Variants in RBFOX1 observed in about 807,000 individuals in gnomAD.
RBFOX1 encodes the protein RNA binding fox-1 homolog 1.
Under a neutral mutation model 57.7 loss-of-function variants are expected in RBFOX1, and 8 were observed. That is an observed-to-expected ratio of 0.14 (90% CI 0.08 to 0.25). The LOEUF (loss-of-function observed/expected upper bound fraction) is 0.25. RBFOX1 is among the 10% of genes least tolerant of loss of function. The pLI, the probability that RBFOX1 is intolerant of heterozygous loss-of-function variation, is 1.00. For missense variants in RBFOX1, 611 were observed against 548.5 expected (o/e 1.11, Z -1.14); for synonymous variants, 326 against 222.4 (o/e 1.47, Z -4.15).
intron 1 of RBFOX1, among the ~76,000 whole-genome samples, chr16:5,360,068 G>A (rs1281332844): frequency 6.6e-6 from 1 of 152,212 alleles, no homozygotes; most frequent in African/African-American, 2.4e-5. Flanking sequence ...GCAAAGGTTG[G>A]GTAGTCACTG....
rs541048849 is a variant in RBFOX1, at chr16:6,916,725, C to T, written c.-15-135332C>T. 1.2e-4 allele frequency among the ~76,000 whole-genome samples: 19 copies of T among 152,320 alleles called. 1 individual carries two copies. The South Asian group carries it at 3.3e-3, about 27-fold the overall frequency. On this transcript the variant is annotated intron_variant, in intron 3 of 15. Coordinates refer to ENST00000550418, the MANE Select transcript of RBFOX1 (RefSeq NM_018723.4). ...GCCCATTCCTACTTAAAAACTCTTG[C>T]ATAAGCTCGGATTACTTCCAGCTTT...
intron 5 of RBFOX1, among the ~76,000 whole-genome samples, chr16:7,575,129 T>A (rs572924491): frequency 6.6e-6 from 1 of 152,138 alleles, no homozygotes; most frequent in South Asian, 2.1e-4. Context: ...TAGGATGGGC[T>A]CAACAATTAA....
intron 3 of RBFOX1, among the ~76,000 whole-genome samples, chr16:6,683,067 C>T (rs796093225): frequency 5.9e-5 from 9 of 152,152 alleles, no homozygotes; most frequent in African/African-American, 2.2e-4. Flanking sequence ...GCGTGTGATA[C>T]AACATGTAGA....
intron 4 of RBFOX1, among the ~76,000 whole-genome samples, chr16:7,386,828 A>G (rs997695050): frequency 3.3e-5 from 5 of 152,080 alleles, no homozygotes; most frequent in South Asian, 4.1e-4. Context: ...GGTTGAACTA[A>G]TTTACACTCC....
intron 4 of RBFOX1, among the ~76,000 whole-genome samples, chr16:7,248,427 T>C (rs534028135): frequency 1.4e-4 from 22 of 152,308 alleles, no homozygotes; most frequent in African/African-American, 5.1e-4. Flanking sequence ...TCCCTTCATA[T>C]CTTTCCAGTC....
At chr16:6,547,341 T>G (rs1166360528) in intron 2 of RBFOX1, among the ~76,000 whole-genome samples, 1 of 152,212 alleles carries the variant, frequency 6.6e-6, no homozygotes, top group Non-Finnish European at 1.5e-5. Context: ...ACTTATTTTC[T>G]ATACAAATGA....
chr16:7,463,397 G>A (rs998030880), intron 4 of RBFOX1, among the ~76,000 whole-genome samples: 11 of 152,076 alleles, frequency 7.2e-5, no homozygotes, highest in African/African-American at 1.7e-4. Context: ...TCCGATACTC[G>A]GGAGGCTGAC....
chr16:5,511,120 T>A (rs1020440613), intron 2 of RBFOX1, among the ~76,000 whole-genome samples: 4 of 152,158 alleles, frequency 2.6e-5, no homozygotes, highest in African/African-American at 7.2e-5. Context: ...TTCAAAGGAA[T>A]TAGAAAGTTA....
intron 4 of RBFOX1, among the ~76,000 whole-genome samples, chr16:7,423,478 G>A (rs181903685): frequency 2.1e-3 from 322 of 152,214 alleles, no homozygotes; most frequent in African/African-American, 7.1e-3. Flanking sequence ...GGAAGGGGGA[G>A]ATTTGGAAGG....
At position 6,696,093 on chromosome 16, in the gene RBFOX1, A is replaced by G. The variant is rs79363484; in HGVS notation, c.-16+41443A>G. Among the ~76,000 whole-genome samples the G allele has an allele frequency of 5.0e-3, 760 of 152,368 alleles. 8 individuals are homozygous for G. Among genetic ancestry groups the G allele is most frequent in the African/African-American group, 0.017 (722 of 41,588 alleles). ...AAAACTGTGAAAATTGAATTAAATT[A>G]CAGGTAGAATACACTGGGGAGCTCA... is the stretch of plus-strand genomic sequence containing the variant. On this transcript the variant is annotated intron_variant, in intron 3 of 15. Coordinates refer to ENST00000550418, the MANE Select transcript of RBFOX1 (RefSeq NM_018723.4).
Position 7,440,283 on chromosome 16 carries a change from C to G in RBFOX1, c.28-77864C>G, listed in dbSNP as rs142454445. Among the ~76,000 whole-genome samples the G allele has an allele frequency of 4.3e-3, 661 of 152,182 alleles. 4 individuals carry two copies. The highest frequency in any genetic ancestry group is 0.015 in the African/African-American group (635 of 41,512). ...AGCAGAGAGTTTGTTATCCCAGCCACAGCATATTAGGGTGGAGCCAGGTAG... is the reference window on the plus strand; with the variant it reads ...AGCAGAGAGTTTGTTATCCCAGCCAGAGCATATTAGGGTGGAGCCAGGTAG... On this transcript the variant is annotated intron_variant, in intron 4 of 15. Coordinates refer to ENST00000550418, the MANE Select transcript of RBFOX1 (RefSeq NM_018723.4).
intron 2 of RBFOX1, among the ~76,000 whole-genome samples, chr16:6,335,776 C>CAAAAAAAAAA (rs57151962): frequency 2.2e-4 from 11 of 50,918 alleles, no homozygotes; most frequent in African/African-American, 6.2e-4. Context: ...AGACTGTCTC[C>CAAAAAAAAAA]AAAAAAAAAA....
intron 2 of RBFOX1, among the ~76,000 whole-genome samples, chr16:6,502,224 C>G (rs2095956248): frequency 6.6e-6 from 1 of 152,088 alleles, no homozygotes; most frequent in African/African-American, 2.4e-5. Context: ...TATGCAGATC[C>G]ATCTGTAGGG....
chr16:7,613,695 G>T (rs1427682617), intron 10 of RBFOX1, among the ~76,000 whole-genome samples: 2 of 152,020 alleles, frequency 1.3e-5, no homozygotes, highest in African/African-American at 4.8e-5. Flanking sequence ...TCAAAAGAAG[G>T]TCTATGAAGG....
chr16:7,270,082 C>T (rs370240577), intron 4 of RBFOX1, among the ~76,000 whole-genome samples: 5 of 152,138 alleles, frequency 3.3e-5, no homozygotes, highest in African/African-American at 1.2e-4. Context: ...TACTACTGTC[C>T]TCATTTTACA....
chr16:5,822,345 T>C (rs1407374918), intron 3 of RBFOX1, among the ~76,000 whole-genome samples: 3 of 152,142 alleles, frequency 2.0e-5, no homozygotes, highest in Non-Finnish European at 4.4e-5. Context: ...ACTGCTTGGG[T>C]GGTGGGTGTG....
rs78163986 is a variant in RBFOX1, at chr16:7,240,955, G to A, written c.27+188857G>A. Among the ~76,000 whole-genome samples, 1,082 of 152,234 alleles carry A rather than the reference G, an allele frequency of 7.1e-3. 12 individuals are homozygous for A. The highest frequency in any genetic ancestry group is 0.025 in the African/African-American group (1,023 of 41,542). On this transcript the variant is annotated intron_variant, in intron 4 of 15. Coordinates refer to ENST00000550418, the MANE Select transcript of RBFOX1 (RefSeq NM_018723.4). ...GCACAAAAAGTTTCTAACTTTGTTG[G>A]AACATTCTACTTTTCCCCCACACCT...
intron 2 of RBFOX1, among the ~76,000 whole-genome samples, chr16:5,553,853 G>A (rs1026975805): frequency 4.6e-5 from 7 of 151,596 alleles, no homozygotes; most frequent in African/African-American, 1.5e-4. Flanking sequence ...CTACATGATT[G>A]AATTTAATTA....
chr16:5,713,523 AG>A (rs1337457174), intron 3 of RBFOX1, among the ~76,000 whole-genome samples: 3 of 152,088 alleles, frequency 2.0e-5, no homozygotes, highest in African/African-American at 7.2e-5. Context: ...GTTCCTAAGG[AG>A]GGTATCTGTC....
Sources: gnomAD v4.1 joint callset for allele counts (sites outside exome capture counted in the v4.1 genomes callset) on GRCh38, gnomAD v4.1.1 for gene constraint, MANE v1.5 for transcripts, NCBI Gene and HGNC (gene_info 2026-07-23, HGNC 2026-07-21) for gene names.